The following LRRC7 variants were observed in gnomAD, a reference collection of about 807,000 sequenced individuals.
The protein encoded by LRRC7 is leucine rich repeat containing 7.
LRRC7 carries 23 observed loss-of-function variants against 175.7 expected under a neutral mutation model. The ratio of observed to expected loss-of-function variants is 0.13; its 90% CI spans 0.09 to 0.19. LRRC7 has a LOEUF of 0.19. LRRC7 is among the 10% of genes least tolerant of loss of function. The probability of loss-of-function intolerance (pLI) is 1.00; values close to 1 mark genes in which losing one functional copy is unlikely to be tolerated. For synonymous variants in LRRC7, 685 were observed against 680.9 expected, an observed-to-expected ratio of 1.01 and a Z score of -0.09; for missense variants, 1,354 against 1,904.7, an observed-to-expected ratio of 0.71 and a Z score of 5.38.
At chr1:69,621,993 G>A (rs933605929) in intron 1 of LRRC7, among the ~76,000 whole-genome samples, 6 of 152,008 alleles carry the variant, frequency 3.9e-5, no homozygotes, top group African/African-American at 1.4e-4. Context: ...CTTTTTTAGA[G>A]ACTCTTATAT....
chr1:69,821,454 A>G (rs1679288016), intron 4 of LRRC7, among the ~76,000 whole-genome samples: 1 of 151,552 alleles, frequency 6.6e-6, no homozygotes, highest in Non-Finnish European at 1.5e-5. Context: ...CTATCTCTTC[A>G]TTTAACTTCT....
rs888084716 is a variant in LRRC7, at chr1:70,033,456, GTCA to G, written c.1996-2649_1996-2647del. ...CATCATTGTCGTCATTATCATCATT[GTCA>G]TCATCATCATCATCACTTCGTTCAT... On this transcript the variant is annotated intron_variant, in intron 18 of 26. Coordinates refer to ENST00000651989, the MANE Select transcript of LRRC7 (RefSeq NM_001370785.2). Among the ~76,000 whole-genome samples, 5 of 152,122 alleles carry G rather than the reference GTCA, an allele frequency of 3.3e-5. No individual in the cohort carries two copies. In the East Asian group the frequency reaches 7.7e-4, roughly 23 times the overall value.
intron 25 of LRRC7, among the ~76,000 whole-genome samples, chr1:70,098,796 C>G (rs1664595191): frequency 6.6e-6 from 1 of 150,854 alleles, no homozygotes; most frequent in Non-Finnish European, 1.5e-5. Flanking sequence ...CTGAATAGAC[C>G]AATAACAGGA....
chr1:70,055,032 A>T (rs1005403355), intron 23 of LRRC7, among the ~76,000 whole-genome samples: 4 of 152,200 alleles, frequency 2.6e-5, no homozygotes, highest in Non-Finnish European at 5.9e-5. Flanking sequence ...TGCATTAAAT[A>T]TCAAATTTTA....
At chr1:70,036,776 T>C in intron 20 of LRRC7, 152 bp downstream of exon 20, 1 of 763,906 alleles carries the variant, frequency 1.3e-6, no homozygotes, top group South Asian at 1.9e-5. Context: ...CGCCTGGGAC[T>C]GCCAGGAACA....
chr1:69,836,553 T>C (rs955358099), intron 6 of LRRC7, among the ~76,000 whole-genome samples: 1 of 151,930 alleles, frequency 6.6e-6, no homozygotes, highest in East Asian at 1.9e-4. Context: ...CACTTGAAAA[T>C]AGAATTTAAT....
intron 2 of LRRC7, among the ~76,000 whole-genome samples, chr1:69,727,869 A>C (rs1667147481): frequency 6.6e-6 from 1 of 152,220 alleles, no homozygotes; most frequent in Admixed American, 6.5e-5. Context: ...AAAGCTGTTA[A>C]TCATTTTGGC....
chr1:69,823,181 T>C (rs72675080), intron 4 of LRRC7, among the ~76,000 whole-genome samples: 2,113 of 152,324 alleles, frequency 0.014, 31 homozygotes, highest in Middle Eastern at 0.12. Context: ...ATAATCTTAT[T>C]CATTGTTTGA....
intron 11 of LRRC7, among the ~76,000 whole-genome samples, chr1:70,007,094 G>A: frequency 6.6e-6 from 1 of 152,216 alleles, no homozygotes; most frequent in South Asian, 2.1e-4. Flanking sequence ...TCAACTCAAC[G>A]TTCAGCCTCT....
At chr1:69,600,156 C>A (rs552151761) in intron 1 of LRRC7, among the ~76,000 whole-genome samples, 9 of 152,220 alleles carry the variant, frequency 5.9e-5, no homozygotes, top group Non-Finnish European at 1.0e-4. Context: ...TCCCATATAA[C>A]CCTACACCCA....
chr1:69,826,164 G>A (rs1321911632), intron 5 of LRRC7, among the ~76,000 whole-genome samples: 1 of 152,112 alleles, frequency 6.6e-6, no homozygotes, highest in Admixed American at 6.6e-5. Context: ...ATCAAGGACT[G>A]CCAGAAGTTC....
intron 1 of LRRC7, among the ~76,000 whole-genome samples, chr1:69,589,115 G>GGGGTGTGT (rs1216721512): frequency 2.8e-4 from 40 of 142,458 alleles, no homozygotes; most frequent in African/African-American, 8.6e-4. Flanking sequence ...TCATAAAAAG[G>GGGGTGTGT]GTGTGTGTGT....
At chr1:69,575,424 C>A (rs1362089400) in intron 1 of LRRC7, among the ~76,000 whole-genome samples, 1 of 152,084 alleles carries the variant, frequency 6.6e-6, no homozygotes, top group Non-Finnish European at 1.5e-5. Flanking sequence ...AATTTTTGGT[C>A]TTAATTATGC....
rs28537484 is a variant in LRRC7 at position 70,125,604 on chromosome 1, A to T, written c.*3717A>T. ...TCAGGAGATCGAGACCATCCCAGCT[A>T]AAACGGTGAAACCCCGTCTCTACTA... is the stretch of plus-strand genomic sequence containing the variant. On this transcript the variant is annotated 3_prime_UTR_variant, in exon 27 of 27. Transcript: ENST00000651989. Among the ~76,000 whole-genome samples, 32 of 151,864 alleles carry T rather than the reference A, an allele frequency of 2.1e-4. No homozygotes were observed. Among genetic ancestry groups the T allele is most frequent in the African/African-American group, 7.5e-4 (31 of 41,398 alleles).
chr1:69,831,813 G>A (rs556893904), intron 5 of LRRC7, among the ~76,000 whole-genome samples: 2 of 152,178 alleles, frequency 1.3e-5, no homozygotes, highest in African/African-American at 4.8e-5. Flanking sequence ...TAATGCCATT[G>A]ATAGGTTGTT....
chr1:69,706,450 C>T (rs549556945), intron 2 of LRRC7, among the ~76,000 whole-genome samples: 136 of 152,288 alleles, frequency 8.9e-4, no homozygotes, highest in Non-Finnish European at 1.7e-3. Context: ...AGCCTTTTCA[C>T]ATTGGACTTT....
intron 2 of LRRC7, among the ~76,000 whole-genome samples, chr1:69,713,664 G>A (rs769812985): frequency 6.6e-6 from 1 of 151,594 alleles, no homozygotes; most frequent in African/African-American, 2.4e-5. Context: ...TTGAATGACT[G>A]TTTCCTTAAT....
chr1:69,600,341 T>G (rs1205585749), intron 1 of LRRC7, among the ~76,000 whole-genome samples: 4 of 152,176 alleles, frequency 2.6e-5, no homozygotes, highest in Non-Finnish European at 5.9e-5. Flanking sequence ...ACATTGCCCT[T>G]AGTCATCTTG....
intron 9 of LRRC7, 33 bp from the exon 10 acceptor site, chr1:69,986,209 C>T: frequency 1.9e-6 from 3 of 1,597,902 alleles, no homozygotes; most frequent in Non-Finnish European, 2.6e-6. Context: ...GAAAGTCTCT[C>T]AACTAACCCT....
Sources: allele counts gnomAD v4.1 joint callset (sites outside exome capture counted in the v4.1 genomes callset), GRCh38; gene constraint gnomAD v4.1.1; transcripts MANE v1.5; gene names NCBI Gene and HGNC (gene_info 2026-07-23, HGNC 2026-07-21).